The following ATP8B1 variants were observed in gnomAD, a reference collection of about 807,000 sequenced individuals.
ATP8B1 encodes the protein ATPase phospholipid transporting 8B1, also known as phospholipid-transporting ATPase IC.
A neutral mutation model predicts 149.9 loss-of-function variants in ATP8B1; 80 were observed. That is an observed-to-expected ratio of 0.53 (90% CI 0.45 to 0.64). The LOEUF (loss-of-function observed/expected upper bound fraction) is 0.64, where lower values mean the gene tolerates loss of function less well. ATP8B1 is among the 30% of genes least tolerant of loss of function. The pLI is 0.00. For synonymous variants in ATP8B1, 536 were observed against 562.8 expected, an observed-to-expected ratio of 0.95 and a Z score of 0.67; for missense variants, 1,247 against 1,552.6, an observed-to-expected ratio of 0.80 and a Z score of 3.31.
intron 2 of ATP8B1, among the ~76,000 whole-genome samples, chr18:57,711,510 G>T (rs1913686182): frequency 6.6e-6 from 1 of 152,208 alleles, no homozygotes; most frequent in South Asian, 2.1e-4. Context: ...ATATGAGGAA[G>T]CAAGTTTGCA....
chr18:57,693,667 C>T (rs762590417), intron 11 of ATP8B1, among the ~76,000 whole-genome samples: 1 of 151,898 alleles, frequency 6.6e-6, no homozygotes, highest in Non-Finnish European at 1.5e-5. Flanking sequence ...AAGATCATGC[C>T]ATTGTACTCC....
At chr18:57,663,905 TAC>T (rs1910682453) in intron 20 of ATP8B1, among the ~76,000 whole-genome samples, 2 of 151,276 alleles carry the variant, frequency 1.3e-5, no homozygotes, top group Admixed American at 6.6e-5. Context: ...TAGCTGGGAC[TAC>T]AGACGGGCAC....
At chr18:57,672,884 AAGTATATATATAT>A (rs1245360452) in intron 16 of ATP8B1, among the ~76,000 whole-genome samples, 6 of 41,832 alleles carry the variant, frequency 1.4e-4, no homozygotes, top group Non-Finnish European at 2.7e-4. Context: ...AAAAAAAAAA[AAGTATATATATAT>A]ATATATATAT....
At chr18:57,715,350 A>G (rs1333806179) in intron 2 of ATP8B1, among the ~76,000 whole-genome samples, 1 of 152,186 alleles carries the variant, frequency 6.6e-6, no homozygotes, top group Non-Finnish European at 1.5e-5. Context: ...TAAAAAAGAA[A>G]GAAGTACACC....
At chr18:57,760,980 C>T (rs2080145286) in intron 1 of ATP8B1, among the ~76,000 whole-genome samples, 1 of 150,576 alleles carries the variant, frequency 6.6e-6, no homozygotes, top group Non-Finnish European at 1.5e-5. Context: ...CAGAGCGAGA[C>T]TCTGTCTCAA....
rs753017964 is a variant in ATP8B1 at position 57,784,870 on chromosome 18, A to C, written c.-26+18128T>G. ...TTTAGAAGTATCCCTGGCCTTGACC[A>C]CTGGACGCTTGTAGCATCCTGAATT... On this transcript the variant is annotated intron_variant, in intron 1 of 27. Coordinates refer to ENST00000648908, the MANE Select transcript of ATP8B1 (RefSeq NM_001374385.1). This position sits in a 1 kb window ranked among gnomAD's most constrained non-coding sequence, Gnocchi z 4.4. 5.9e-5 allele frequency among the ~76,000 whole-genome samples: 9 copies of C among 152,172 alleles called. No homozygotes were observed. The highest frequency in any genetic ancestry group is 1.2e-4 in the Non-Finnish European group (8 of 68,024).
chr18:57,679,659 G>A (rs558954889), intron 15 of ATP8B1, among the ~76,000 whole-genome samples: 1 of 152,156 alleles, frequency 6.6e-6, no homozygotes, highest in African/African-American at 2.4e-5. Context: ...AACTGCCTCA[G>A]CTGATTCACT....
intron 15 of ATP8B1, among the ~76,000 whole-genome samples, chr18:57,680,828 G>A (rs541205002): frequency 2.0e-5 from 3 of 152,018 alleles, no homozygotes; most frequent in Non-Finnish European, 4.4e-5. Flanking sequence ...CCCGTGATGC[G>A]CAAAACTCCT....
chr18:57,656,016 G>C (rs954437732), intron 22 of ATP8B1, among the ~76,000 whole-genome samples: 2 of 152,138 alleles, frequency 1.3e-5, no homozygotes, highest in African/African-American at 4.8e-5. Flanking sequence ...TTCTGCAGCA[G>C]AGCTCATATC....
intron 1 of ATP8B1, among the ~76,000 whole-genome samples, chr18:57,778,045 T>C (rs2080322174): frequency 6.6e-6 from 1 of 152,198 alleles, no homozygotes; most frequent in African/African-American, 2.4e-5. Flanking sequence ...ATCTTGACTT[T>C]CCAGTGATGG....
intron 15 of ATP8B1, among the ~76,000 whole-genome samples, chr18:57,678,750 C>CA (rs1174259072): frequency 3.9e-5 from 2 of 50,888 alleles, no homozygotes; most frequent in African/African-American, 5.5e-5. Context: ...ACTAAAAATA[C>CA]AAAAAAAATT....
chr18:57,658,081 C>G (rs917641091), intron 22 of ATP8B1, among the ~76,000 whole-genome samples: 8 of 150,766 alleles, frequency 5.3e-5, no homozygotes, highest in African/African-American at 1.9e-4. Context: ...GAGTCTTTTT[C>G]TGTCGCCCAG....
chr18:57,711,734 A>G (rs1913697116), intron 2 of ATP8B1, among the ~76,000 whole-genome samples: 1 of 152,072 alleles, frequency 6.6e-6, no homozygotes, highest in East Asian at 1.9e-4. Context: ...GCTGAGACTA[A>G]AGTGCACGCC....
At chr18:57,649,594 G>GC (rs1022070889) in intron 27 of ATP8B1, among the ~76,000 whole-genome samples, 105 of 151,444 alleles carry the variant, frequency 6.9e-4, no homozygotes, top group African/African-American at 1.8e-3. Flanking sequence ...TATTCAGATT[G>GC]CCCCCCCCAA....
intron 1 of ATP8B1, among the ~76,000 whole-genome samples, chr18:57,760,988 CAAATA>C (rs56052214): frequency 1.4e-5 from 2 of 138,914 alleles, no homozygotes; most frequent in South Asian, 2.3e-4. Context: ...GACTCTGTCT[CAAATA>C]AAATAAAATA....
At chr18:57,710,166 T>A (rs1214319902) in intron 2 of ATP8B1, among the ~76,000 whole-genome samples, 1 of 151,990 alleles carries the variant, frequency 6.6e-6, no homozygotes, top group Non-Finnish European at 1.5e-5. Context: ...ATGGATATAT[T>A]GACAAAGAAA....
intron 2 of ATP8B1, among the ~76,000 whole-genome samples, chr18:57,716,054 A>G (rs977707403): frequency 9.2e-5 from 14 of 152,208 alleles, no homozygotes; most frequent in African/African-American, 3.4e-4. Flanking sequence ...ACAATAAGAT[A>G]TAAATAGAAA....
chr18:57,694,758 G>T (rs1912717459), intron 10 of ATP8B1, 88 bp from the exon 11 acceptor site: 1 of 944,580 alleles, frequency 1.1e-6, no homozygotes, highest in African/African-American at 1.6e-5. Context: ...GGCCAGGCAT[G>T]GTGGCTTACG....
rs1458916837 is a variant in ATP8B1 at position 57,647,328 on chromosome 18, T to C, written c.*1160A>G. The C allele has an allele frequency of 1.3e-5, 2 of 152,188 alleles. No individual in the cohort carries two copies. The highest frequency in any genetic ancestry group is 1.3e-4 in the Admixed American group (2 of 15,262). 9.4% of individuals were successfully genotyped at this position (152,188 alleles called of 1,614,324 possible). ...GTATGTAATGTGCTATCTCACCTAG[T>C]AGTAAACTAAAAATAAACTGAAACT... On this transcript the variant is annotated 3_prime_UTR_variant, in exon 28 of 28. Coordinates refer to ENST00000648908, the MANE Select transcript of ATP8B1 (RefSeq NM_001374385.1).
Sources: allele counts gnomAD v4.1 joint callset (sites outside exome capture counted in the v4.1 genomes callset), GRCh38; gene constraint gnomAD v4.1.1; non-coding constraint Gnocchi (gnomAD v3.1); transcripts MANE v1.5; gene names NCBI Gene and HGNC (gene_info 2026-07-23, HGNC 2026-07-21).